ZNF454: variants seen among roughly 807,000 people sequenced by gnomAD.
The protein encoded by ZNF454 is zinc finger protein 454.
ZNF454 carries 30 observed loss-of-function variants against 48.2 expected under a neutral mutation model. The observed-to-expected ratio is 0.62, with a 90% confidence interval of 0.47 to 0.84. The LOEUF is 0.84. Among genes scored for constraint, ZNF454 ranks in the 40% least tolerant of loss-of-function variants. The probability of loss-of-function intolerance (pLI) is 0.00; values close to 1 mark genes in which losing one functional copy is unlikely to be tolerated. For missense variants in ZNF454, 510 were observed against 623.1 expected (o/e 0.82, Z 1.93); for synonymous variants, 204 against 211.4 (o/e 0.97, Z 0.30).
At chr5:178,981,270 C>T in the ZNF454 span, 1 of 242,072 alleles carries the variant, frequency 4.1e-6, no homozygotes, top group Non-Finnish European at 8.1e-6. The surrounding 1 kb of genome is among the most constrained non-coding windows in gnomAD (Gnocchi z 5.1). Context: ...TTCTTCCACA[C>T]TGCCCAATCC....
At chr5:178,985,103 C>T in the ZNF454 span, among the ~76,000 whole-genome samples, 1 of 152,180 alleles carries the variant, frequency 6.6e-6, no homozygotes, top group Non-Finnish European at 1.5e-5. Context: ...TGCTCTTCCA[C>T]AGTAAAATGT....
Position 178,941,473 on chromosome 5 carries a change from G to T in ZNF454, c.-108+29G>T, listed in dbSNP as rs752788213. On this transcript the variant is annotated intron_variant, in intron 1 of 4. Transcript: ENST00000519564. This position sits in a 1 kb window ranked among gnomAD's most constrained non-coding sequence, Gnocchi z 5.5. ...TGTCTGAGATTTGATCCCAGAGAGG[G>T]AGGACGGCCAGGGGTGGTCATCCTG... 2.2e-6 allele frequency: 1 copy of T among 456,660 alleles called. No individual in the cohort carries two copies. The highest frequency in any genetic ancestry group is 2.0e-5 in the African/African-American group (1 of 50,086). 28.3% of individuals were successfully genotyped at this position (456,660 alleles called of 1,614,324 possible). A position where few individuals can be genotyped will look rare whatever the true frequency, so the allele number is the denominator to read the frequency against.
chr5:178,981,681 G>A, the ZNF454 span: 428 of 1,613,916 alleles, frequency 2.7e-4, 2 homozygotes, highest in African/African-American at 4.7e-3. This position sits in a 1 kb window ranked among gnomAD's most constrained non-coding sequence, Gnocchi z 5.1. Flanking sequence ...CTGCATCCTC[G>A]CCCTTGGGTG....
At chr5:178,969,724 T>C, downstream of ZNF454, 1 of 449,552 alleles carries the variant, frequency 2.2e-6, no homozygotes, top group Non-Finnish European at 4.5e-6. Context: ...TCCTGGCCTC[T>C]CCTCCCACCT....
At chr5:178,947,021 GCC>G in intron 4 of ZNF454, 35 bp downstream of exon 4, 1 of 1,587,342 alleles carries the variant, frequency 6.3e-7, no homozygotes. Flanking sequence ...ACCGGGAGGA[GCC>G]CTGCTGGGTA....
chr5:178,968,654 C>T (rs1760199707), downstream of ZNF454: 2 of 378,810 alleles, frequency 5.3e-6, no homozygotes, highest in East Asian at 7.3e-5. Context: ...CCTGAAAAAA[C>T]CACGTTCACT....
the ZNF454 span, chr5:178,987,121 G>A: frequency 4.0e-5 from 34 of 855,674 alleles, no homozygotes; most frequent in Admixed American, 6.0e-5. Flanking sequence ...AATCCAAGCC[G>A]CAGGGAGATC....
the ZNF454 span, among the ~76,000 whole-genome samples, chr5:178,983,968 C>G: frequency 3.9e-5 from 6 of 152,306 alleles, no homozygotes; most frequent in East Asian, 9.7e-4. Flanking sequence ...CAGTGCCATG[C>G]CGAGCACCTG....
the ZNF454 span, chr5:178,980,048 C>T: frequency 3.2e-5 from 5 of 154,290 alleles, no homozygotes; most frequent in African/African-American, 4.8e-5. The surrounding 1 kb of genome is among the most constrained non-coding windows in gnomAD (Gnocchi z 4.3). Flanking sequence ...GAGTCAGTAG[C>T]GCAACAGAAA....
At chr5:178,975,429 C>G in the ZNF454 span, among the ~76,000 whole-genome samples, 4 of 152,188 alleles carry the variant, frequency 2.6e-5, no homozygotes, top group Admixed American at 2.6e-4. Context: ...AAGAGTGCAG[C>G]TTGGTGCATG....
chr5:178,979,830 T>A, the ZNF454 span: 1 of 153,874 alleles, frequency 6.5e-6, no homozygotes, highest in East Asian at 1.9e-4. Context: ...AGCTCACTGA[T>A]CTCAGAGTTC....
At chr5:178,976,287 T>C in the ZNF454 span, 4 of 261,100 alleles carry the variant, frequency 1.5e-5, no homozygotes, top group South Asian at 1.5e-4. Context: ...TAACATACAG[T>C]GTCATTTATT....
chr5:178,947,111 C>T (rs769010508), intron 4 of ZNF454, 125 bp downstream of exon 4: 4 of 762,278 alleles, frequency 5.2e-6, no homozygotes, highest in African/African-American at 3.5e-5. Flanking sequence ...GTTTCACATT[C>T]GTTCACCTGA....
chr5:178,945,147 TTGAGGGTCTGGGGG>T, intron 2 of ZNF454, among the ~76,000 whole-genome samples: 1 of 76,070 alleles, frequency 1.3e-5, no homozygotes, highest in African/African-American at 5.4e-5. Context: ...CGTGTGTGTG[TTGAGGGTCTGGGGG>T]ATGTGTAGGG....
chr5:178,965,865 G>C lies in ZNF454; in HGVS notation c.1461G>C (p.Gln487His). 1 of 1,614,132 alleles carries C rather than the reference G, an allele frequency of 6.2e-7. No homozygotes were observed. Among genetic ancestry groups the C allele is most frequent in the Non-Finnish European group, 8.5e-7 (1 of 1,180,024 alleles). The change falls in exon 5 of 5, where the codon CAG becomes CAC. Residue 487 changes from glutamine (Q) to histidine (H), a missense_variant. Gln to His is a conservative substitution (Grantham distance 24). Transcript: ENST00000519564. This position sits in a 1 kb window ranked among gnomAD's most constrained non-coding sequence, Gnocchi z 5.2. ...FIRSTHLTQH[Q>H]RIHTGEKPYK... ...GAAGCACTCACCTGACTCAACATCA[G>C]AGGATTCACACAGGAGAGAAACCCT...
At chr5:178,942,931 A>T in intron 2 of ZNF454, 107 bp downstream of exon 2, 1 of 1,317,398 alleles carries the variant, frequency 7.6e-7, no homozygotes, top group South Asian at 1.5e-5. Flanking sequence ...CCACCCAGAC[A>T]CTGACCTCAG....
chr5:178,986,141 T>C, the ZNF454 span: 6 of 1,612,342 alleles, frequency 3.7e-6, no homozygotes, highest in Admixed American at 1.0e-4. Context: ...TGCAGGGAGG[T>C]GAGGCTGAAG....
intron 4 of ZNF454, among the ~76,000 whole-genome samples, chr5:178,954,669 A>G (rs1026964765): frequency 2.6e-5 from 4 of 152,232 alleles, no homozygotes; most frequent in African/African-American, 7.2e-5. Context: ...CAAGGAAGAC[A>G]ACATTTTTCT....
intron 2 of ZNF454, among the ~76,000 whole-genome samples, chr5:178,945,503 C>T (rs1377372660): frequency 3.6e-5 from 5 of 138,536 alleles, no homozygotes; most frequent in Admixed American, 1.5e-4. Context: ...GGTGTGTATG[C>T]TTGTGTCTGT....
Sources: allele counts gnomAD v4.1 joint callset (sites outside exome capture counted in the v4.1 genomes callset), GRCh38; gene constraint gnomAD v4.1.1; non-coding constraint Gnocchi (gnomAD v3.1); transcripts MANE v1.5; gene names NCBI Gene and HGNC (gene_info 2026-07-23, HGNC 2026-07-21).